CADM1: variants seen among roughly 807,000 people sequenced by gnomAD.
The protein encoded by CADM1 is TSLC-1.
Under a neutral mutation model 53.1 loss-of-function variants are expected in CADM1, and 15 were observed. The ratio of observed to expected loss-of-function variants is 0.28; its 90% CI spans 0.19 to 0.44. The LOEUF (loss-of-function observed/expected upper bound fraction) is 0.44, where lower values mean the gene tolerates loss of function less well. CADM1 is among the 20% of genes least tolerant of loss of function. CADM1 has a pLI of 1.00. For missense variants in CADM1, 434 were observed against 611.3 expected, an observed-to-expected ratio of 0.71 and a Z score of 3.06; for synonymous variants, 281 against 243.0, an observed-to-expected ratio of 1.16 and a Z score of -1.45.
At chr11:115,501,377 C>T (rs1591311186) in intron 1 of CADM1, among the ~76,000 whole-genome samples, 1 of 152,184 alleles carries the variant, frequency 6.6e-6, no homozygotes, top group African/African-American at 2.4e-5. Flanking sequence ...AAGCAAAAGT[C>T]AGCCCCCCTC....
chr11:115,242,564 G>A (rs11215443), intron 1 of CADM1, among the ~76,000 whole-genome samples: 79,702 of 151,890 alleles, frequency 0.52, 22,030 homozygotes, highest in Non-Finnish European at 0.62. Flanking sequence ...GGTAATGCGC[G>A]ATCTACTAAG....
chr11:115,208,338 T>C (rs1940794027), intron 8 of CADM1, among the ~76,000 whole-genome samples: 1 of 152,234 alleles, frequency 6.6e-6, no homozygotes. Context: ...GATTAGACAA[T>C]CTGTTGTATA....
At chr11:115,277,940 T>A (rs1943487352) in intron 1 of CADM1, among the ~76,000 whole-genome samples, 1 of 152,100 alleles carries the variant, frequency 6.6e-6, no homozygotes, top group African/African-American at 2.4e-5. Context: ...ACAAGATTCA[T>A]CCTCATCCTC....
intron 1 of CADM1, among the ~76,000 whole-genome samples, chr11:115,278,018 A>G (rs1280501696): frequency 6.6e-6 from 1 of 151,102 alleles, no homozygotes; most frequent in African/African-American, 2.4e-5. Context: ...TGTAATTCCC[A>G]CCCCTCCCCA....
intron 5 of CADM1, among the ~76,000 whole-genome samples, chr11:115,224,359 C>T (rs988426203): frequency 2.0e-5 from 3 of 152,148 alleles, no homozygotes; most frequent in Admixed American, 6.5e-5. Context: ...TACCTAGCTA[C>T]ATTCAGTCAA....
intron 1 of CADM1, among the ~76,000 whole-genome samples, chr11:115,308,175 G>GTGTGTGTGTATATA (rs1353212174): frequency 8.5e-6 from 1 of 117,452 alleles, no homozygotes; most frequent in African/African-American, 3.8e-5. Context: ...GTGTGTGTGT[G>GTGTGTGTGTATATA]TATATCACTC....
At chr11:115,357,523 A>G (rs1246543833) in intron 1 of CADM1, among the ~76,000 whole-genome samples, 1 of 152,178 alleles carries the variant, frequency 6.6e-6, no homozygotes, top group Non-Finnish European at 1.5e-5. Context: ...CAGACTTTCA[A>G]TCAGTCAGCC....
chr11:115,422,786 G>A lies in CADM1; in HGVS notation c.124+81485C>T, dbSNP rs944887622. On this transcript the variant is annotated intron_variant, in intron 1 of 11. Transcript: ENST00000331581. ...GTGTTTTTAACACATCAGTCCTTTC[G>A]ATTTAATTCTAGACTTGATGCACCT... Among the ~76,000 whole-genome samples, 4 of 152,116 alleles carry A rather than the reference G, an allele frequency of 2.6e-5. No individual in the cohort carries two copies. In the South Asian group the frequency reaches 6.2e-4, roughly 24 times the overall value.
chr11:115,352,175 A>C (rs758902284), intron 1 of CADM1, among the ~76,000 whole-genome samples: 1 of 152,210 alleles, frequency 6.6e-6, no homozygotes, highest in African/African-American at 2.4e-5. Flanking sequence ...AAACTGTATA[A>C]ATCTACTAAA....
At chr11:115,337,595 T>C (rs1945301113) in intron 1 of CADM1, among the ~76,000 whole-genome samples, 3 of 152,132 alleles carry the variant, frequency 2.0e-5, no homozygotes, top group Admixed American at 2.0e-4. Flanking sequence ...TAATGTTTTT[T>C]CTTAATGCTG....
intron 5 of CADM1, among the ~76,000 whole-genome samples, chr11:115,228,136 C>T (rs1941683591): frequency 6.6e-6 from 1 of 152,158 alleles, no homozygotes; most frequent in South Asian, 2.1e-4. Context: ...TTAAGGCGCT[C>T]CTGGGACTCC....
Position 115,428,796 on chromosome 11 carries a change from T to TAC in CADM1, c.124+75474_124+75475insGT, listed in dbSNP as rs1337174384. Among the ~76,000 whole-genome samples, 7 of 152,180 alleles carry TAC rather than the reference T, an allele frequency of 4.6e-5. No individual in the cohort carries two copies. The East Asian group carries it at 9.6e-4, about 21-fold the overall frequency. ...GTGTGTGTGCGTGTGTGTGTGTGTG[T>TAC]GTACGTGTGTGCGCATATGAGCAGA... On this transcript the variant is annotated intron_variant, in intron 1 of 11. Coordinates refer to ENST00000331581, the MANE Select transcript of CADM1 (RefSeq NM_001301043.2).
At chr11:115,401,368 G>A (rs932712598) in intron 1 of CADM1, among the ~76,000 whole-genome samples, 3 of 152,010 alleles carry the variant, frequency 2.0e-5, no homozygotes, top group African/African-American at 4.8e-5. Flanking sequence ...CAGCACTTTG[G>A]GAGGCCGAGG....
intron 1 of CADM1, among the ~76,000 whole-genome samples, chr11:115,469,579 T>G (rs1948966263): frequency 6.6e-6 from 1 of 152,154 alleles, no homozygotes; most frequent in Admixed American, 6.5e-5. Flanking sequence ...CAAACTACTC[T>G]GCTACTTGGT....
At chr11:115,225,774 TA>T (rs1200842683) in intron 5 of CADM1, among the ~76,000 whole-genome samples, 14 of 152,184 alleles carry the variant, frequency 9.2e-5, no homozygotes, top group African/African-American at 3.4e-4. Context: ...TAATGACATA[TA>T]ACGCAGGTTT....
intron 1 of CADM1, among the ~76,000 whole-genome samples, chr11:115,342,082 A>G (rs1945463745): frequency 6.6e-6 from 1 of 152,172 alleles, no homozygotes; most frequent in Non-Finnish European, 1.5e-5. Flanking sequence ...ATCCATCTAC[A>G]AACAAAAATA....
intron 1 of CADM1, among the ~76,000 whole-genome samples, chr11:115,265,304 T>C (rs1943104726): frequency 6.6e-6 from 1 of 152,196 alleles, no homozygotes; most frequent in Non-Finnish European, 1.5e-5. Flanking sequence ...AGAAGGAACC[T>C]GGGTGTTGTG....
At chr11:115,325,146 T>A (rs1201889275) in intron 1 of CADM1, among the ~76,000 whole-genome samples, 1 of 152,210 alleles carries the variant, frequency 6.6e-6, no homozygotes, top group Non-Finnish European at 1.5e-5. Context: ...AACCAACTGC[T>A]ATTTAAAACC....
intron 1 of CADM1, among the ~76,000 whole-genome samples, chr11:115,274,230 T>C (rs1314871700): frequency 6.6e-6 from 1 of 152,228 alleles, no homozygotes; most frequent in Non-Finnish European, 1.5e-5. Flanking sequence ...ACACAGAGAC[T>C]ATTCCTGCTA....
Sources: gnomAD v4.1 joint callset for allele counts (sites outside exome capture counted in the v4.1 genomes callset) on GRCh38, gnomAD v4.1.1 for gene constraint, MANE v1.5 for transcripts, NCBI Gene and HGNC (gene_info 2026-07-23, HGNC 2026-07-21) for gene names.